The following TMEM253 variants were observed in gnomAD, a reference collection of about 807,000 sequenced individuals.
The protein encoded by TMEM253 is transmembrane protein 253.
A neutral mutation model predicts 20.3 loss-of-function variants in TMEM253; 22 were observed. That is an observed-to-expected ratio of 1.08 (90% CI 0.78 to 1.55). TMEM253 has a LOEUF of 1.55. Among genes scored for constraint, TMEM253 ranks in the 40% most tolerant of loss-of-function variants. The pLI is 0.00. For missense variants in TMEM253, 251 were observed against 266.1 expected, an observed-to-expected ratio of 0.94 and a Z score of 0.39; for synonymous variants, 92 against 102.6, an observed-to-expected ratio of 0.90 and a Z score of 0.62.
exon 3 of TMEM253, chr14:21,101,898 C>T: frequency 6.4e-7 from 1 of 1,551,500 alleles, no homozygotes; most frequent in Non-Finnish European, 8.7e-7. Context: ...GGTTGTGGTG[C>T]CCCTTGCTGT....
chr14:21,098,837 T>G, upstream of TMEM253: 1 of 1,288,276 alleles, frequency 7.8e-7, no homozygotes, highest in Non-Finnish European at 1.0e-6. Flanking sequence ...TCTGCCGCTC[T>G]TTCTGCCCCA....
At chr14:21,099,325 C>G (rs546796546), upstream of TMEM253, 31 of 152,436 alleles carry the variant, frequency 2.0e-4, no homozygotes, top group African/African-American at 7.2e-4. Flanking sequence ...AAAAATGAGG[C>G]TTCAGGAAGT....
intron 5 of TMEM253, 39 bp downstream of exon 5, chr14:21,102,554 G>A: frequency 6.4e-7 from 1 of 1,551,658 alleles, no homozygotes; most frequent in Non-Finnish European, 8.7e-7. Context: ...GGATAAGGAG[G>A]CAAGAGGAGG....
exon 5 of TMEM253, chr14:21,102,439 T>C: frequency 6.4e-7 from 1 of 1,551,708 alleles, no homozygotes; most frequent in Middle Eastern, 1.7e-4. Context: ...ACCTTCAACT[T>C]GATCTTGGGT....
chr14:21,102,832 A>C, intron 6 of TMEM253, 53 bp downstream of exon 6: 2 of 1,533,978 alleles, frequency 1.3e-6, no homozygotes, highest in Non-Finnish European at 1.7e-6. Flanking sequence ...TAATTTTTCC[A>C]CTGCCTATCC....
chr14:21,098,924 G>C, upstream of TMEM253: 2 of 1,186,134 alleles, frequency 1.7e-6, no homozygotes, highest in Non-Finnish European at 2.2e-6. Flanking sequence ...CTCTCTTTTG[G>C]GGGAGGAGGA....
chr14:21,103,327 T>C, exon 7 of TMEM253: 3 of 1,500,832 alleles, frequency 2.0e-6, no homozygotes, highest in Non-Finnish European at 2.7e-6. Flanking sequence ...ATCCTTCGAG[T>C]CCAATAGGAA....
At chr14:21,102,957 A>G in intron 6 of TMEM253, 178 bp downstream of exon 6, 1 of 1,358,614 alleles carries the variant, frequency 7.4e-7, no homozygotes, top group African/African-American at 1.5e-5. Flanking sequence ...GGTGGGTAAG[A>G]GGAAACTGGG....
At chr14:21,102,837 C>A (rs1265013804) in intron 6 of TMEM253, 58 bp downstream of exon 6, 1 of 1,526,198 alleles carries the variant, frequency 6.6e-7, no homozygotes, top group Non-Finnish European at 8.8e-7. Context: ...TTTCCACTGC[C>A]TATCCTGGTC....
intron 2 of TMEM253, 139 bp downstream of exon 2, chr14:21,101,590 G>A (rs1028417238): frequency 2.5e-6 from 2 of 801,518 alleles, no homozygotes; most frequent in Non-Finnish European, 3.9e-6. Flanking sequence ...GAGGAGGGTA[G>A]AGGAAAACAT....
intron 5 of TMEM253, 38 bp downstream of exon 5, chr14:21,102,553 G>A (rs1038009760): frequency 8.4e-6 from 13 of 1,551,686 alleles, no homozygotes; most frequent in Non-Finnish European, 1.0e-5. Context: ...AGGATAAGGA[G>A]GCAAGAGGAG....
In TMEM253 at chr14:21,101,932, A is replaced by C. The variant is rs1016141151; in HGVS notation, c.176A>C (p.Asp59Ala). The C allele has an allele frequency of 1.3e-6, 2 of 1,551,564 alleles. No individual in the cohort carries two copies. The highest frequency in any genetic ancestry group is 2.4e-5 in the South Asian group (2 of 84,054). Residue 59 changes from aspartate to alanine, a missense_variant, in exon 3 of 7, where the codon GAT (aspartate) becomes GCT (alanine). Coordinates refer to ENST00000556585, the Ensembl canonical transcript of TMEM253. Reference sequence around the variant, plus strand: ...GTCTCAGTCGCCTGCCTGAACTCTGATTGTCACATGGCCACAGCGCTGCCT... The same window carrying C: ...GTCTCAGTCGCCTGCCTGAACTCTGCTTGTCACATGGCCACAGCGCTGCCT...
At chr14:21,102,677 C>G (rs1158847254) in exon 6 of TMEM253, 5 of 1,551,550 alleles carry the variant, frequency 3.2e-6, no homozygotes, top group Admixed American at 3.9e-5. Flanking sequence ...AGGCCTTCAC[C>G]CTAGGGGGAG....
chr14:21,099,384 A>G (rs1021495687), upstream of TMEM253, among the ~76,000 whole-genome samples: 10 of 152,210 alleles, frequency 6.6e-5, no homozygotes, highest in African/African-American at 2.2e-4. Context: ...TGCAAGCCCA[A>G]CATCTCACAT....
chr14:21,103,032 C>G, intron 6 of TMEM253, 107 bp from the exon 7 acceptor site: 1 of 1,523,900 alleles, frequency 6.6e-7, no homozygotes, highest in Non-Finnish European at 8.9e-7. Flanking sequence ...ATTGGCAGGA[C>G]TATGGGAAAC....
exon 7 of TMEM253, chr14:21,103,248 T>C: frequency 6.4e-7 from 1 of 1,551,410 alleles, no homozygotes; most frequent in Non-Finnish European, 8.7e-7. Flanking sequence ...GCTGCTCTCC[T>C]TCCACCCTGA....
At chr14:21,100,784 G>A (rs563708464), upstream of TMEM253, among the ~76,000 whole-genome samples, 228 of 152,268 alleles carry the variant, frequency 1.5e-3, no homozygotes, top group Non-Finnish European at 2.8e-3. Flanking sequence ...CAGAAAGTAG[G>A]ATCTCTAGGG....
exon 7 of TMEM253, chr14:21,103,380 T>C: frequency 7.0e-7 from 1 of 1,426,692 alleles, no homozygotes; most frequent in Non-Finnish European, 9.2e-7. Context: ...AGGCCCTTTT[T>C]TCGTTCCTTC....
In TMEM253 at chr14:21,101,991, A is replaced by G; in HGVS notation, c.219+16A>G. 6.4e-7 allele frequency: 1 copy of G among 1,550,994 alleles called. No individual in the cohort carries two copies. The highest frequency in any genetic ancestry group is 2.4e-5 in the East Asian group (1 of 40,892). On this transcript the variant is annotated intron_variant, in intron 3 of 6. Coordinates refer to ENST00000556585, the Ensembl canonical transcript of TMEM253. ...TGGAGCCTCAGTAAGACCCACCACA[A>G]GGGAGGGTGGAAGGTCCCAGGGCCC...
Sources: gnomAD v4.1 joint callset for allele counts (sites outside exome capture counted in the v4.1 genomes callset) on GRCh38, gnomAD v4.1.1 for gene constraint, MANE v1.5 for transcripts, NCBI Gene and HGNC (gene_info 2026-07-23, HGNC 2026-07-21) for gene names.